The following LHFPL3 variants were observed in gnomAD, a reference collection of about 807,000 sequenced individuals.
LHFPL3 encodes the protein LHFPL tetraspan subfamily member 3, also known as LHFPL tetraspan subfamily member 3 protein.
Under a neutral mutation model 19.3 loss-of-function variants are expected in LHFPL3, and 5 were observed. That is an observed-to-expected ratio of 0.26 (90% CI 0.14 to 0.54). The LOEUF is 0.54. Ranked by LOEUF, LHFPL3 falls within the 20% of genes least tolerant of loss-of-function variation. LHFPL3 has a pLI of 0.94. For missense variants in LHFPL3, 249 were observed against 307.4 expected, an observed-to-expected ratio of 0.81 and a Z score of 1.42; for synonymous variants, 133 against 126.2, an observed-to-expected ratio of 1.05 and a Z score of -0.36.
intron 1 of LHFPL3, among the ~76,000 whole-genome samples, chr7:104,732,728 G>A (rs1371408061): frequency 6.6e-6 from 1 of 152,032 alleles, no homozygotes; most frequent in Non-Finnish European, 1.5e-5. Flanking sequence ...ATCTCCTTCA[G>A]TTCTGCTCTC....
intron 1 of LHFPL3, among the ~76,000 whole-genome samples, chr7:104,723,722 C>CAAAAAAAA (rs1167618176): frequency 1.9e-4 from 9 of 46,932 alleles, no homozygotes; most frequent in African/African-American, 8.8e-4. Context: ...ACTATGTCTC[C>CAAAAAAAA]AAAAAAAAAA....
At chr7:104,504,447 C>A (rs1301460149) in intron 1 of LHFPL3, among the ~76,000 whole-genome samples, 1 of 152,114 alleles carries the variant, frequency 6.6e-6, no homozygotes, top group Middle Eastern at 3.2e-3. Flanking sequence ...TTATGTGTTT[C>A]CCTTATGACA....
intron 2 of LHFPL3, among the ~76,000 whole-genome samples, chr7:104,886,919 G>A (rs1292169587): frequency 6.6e-6 from 1 of 152,180 alleles, no homozygotes; most frequent in Non-Finnish European, 1.5e-5. Context: ...TCCTCCCGGG[G>A]TCCCCGGGGT....
intron 1 of LHFPL3, chr7:104,669,443 A>G: frequency 6.2e-7 from 1 of 1,613,198 alleles, no homozygotes; most frequent in Non-Finnish European, 8.5e-7. Context: ...AAAAAGGATC[A>G]AGACTCCAGA....
At chr7:104,375,086 C>A (rs893287310) in intron 1 of LHFPL3, among the ~76,000 whole-genome samples, 6 of 152,174 alleles carry the variant, frequency 3.9e-5, no homozygotes, top group African/African-American at 1.4e-4. Flanking sequence ...CCCCTGTAAT[C>A]CCAACACTTT....
chr7:104,584,926 C>G (rs1790535778), intron 1 of LHFPL3, among the ~76,000 whole-genome samples: 1 of 152,130 alleles, frequency 6.6e-6, no homozygotes, highest in African/African-American at 2.4e-5. Flanking sequence ...TAGGCAGCAT[C>G]TGGAGTTATG....
intron 1 of LHFPL3, among the ~76,000 whole-genome samples, chr7:104,692,898 A>G (rs370945773): frequency 1.3e-5 from 2 of 152,220 alleles, no homozygotes; most frequent in Non-Finnish European, 2.9e-5. Flanking sequence ...CCAGACCCCA[A>G]AATGGTAGAT....
chr7:104,407,720 A>G (rs1305440936), intron 1 of LHFPL3, among the ~76,000 whole-genome samples: 1 of 152,228 alleles, frequency 6.6e-6, no homozygotes, highest in Non-Finnish European at 1.5e-5. Flanking sequence ...CTTGAAAGAT[A>G]GTTAAAGATC....
rs556593222 is a variant in LHFPL3 at position 104,603,105 on chromosome 7, T to C, written c.446-133570T>C. Among the ~76,000 whole-genome samples, 4 of 140,706 alleles carry C rather than the reference T, an allele frequency of 2.8e-5. No homozygotes were observed. In the South Asian group the frequency reaches 9.6e-4, roughly 34 times the overall value. The allele number at this position is 140,706 out of a possible 152,430, so 92.3% of individuals were successfully genotyped here. A position where few individuals can be genotyped will look rare whatever the true frequency, so the allele number is the denominator to read the frequency against. The stretch of plus-strand genomic sequence containing the variant: ...TTCTTTCTTTCTTTCTTTCTTTCTT[T>C]CTTTCTTTCTTTCTTTCTTTCTTTC... On this transcript the variant is annotated intron_variant, in intron 1 of 2. Coordinates refer to ENST00000424859, the MANE Select transcript of LHFPL3 (RefSeq NM_199000.3).
chr7:104,743,774 C>T (rs931810557), intron 2 of LHFPL3, among the ~76,000 whole-genome samples: 5 of 152,160 alleles, frequency 3.3e-5, no homozygotes, highest in Non-Finnish European at 7.4e-5. Context: ...AAGACTCAAA[C>T]ACAAATCATT....
chr7:104,389,684 A>T (rs1399246840), intron 1 of LHFPL3, among the ~76,000 whole-genome samples: 1 of 152,204 alleles, frequency 6.6e-6, no homozygotes, highest in East Asian at 1.9e-4. Context: ...AAGGAATAGG[A>T]TTGAGAGTCC....
intron 1 of LHFPL3, among the ~76,000 whole-genome samples, chr7:104,653,199 T>G (rs1792062076): frequency 6.6e-6 from 1 of 152,056 alleles, no homozygotes; most frequent in Non-Finnish European, 1.5e-5. Context: ...GTGCTGAGAG[T>G]CTGCAGTCCT....
At chr7:104,725,734 T>C (rs191580758) in intron 1 of LHFPL3, among the ~76,000 whole-genome samples, 2 of 152,262 alleles carry the variant, frequency 1.3e-5, no homozygotes, top group Non-Finnish European at 2.9e-5. Flanking sequence ...GAAAAAATTT[T>C]CAAATCACCA....
chr7:104,835,366 AG>A (rs1340944002), intron 2 of LHFPL3, among the ~76,000 whole-genome samples: 2 of 151,960 alleles, frequency 1.3e-5, no homozygotes, highest in Non-Finnish European at 2.9e-5. Context: ...CTTTGCATCT[AG>A]GCAGGTAATG....
At chr7:104,575,559 T>TAAAAAAAAAAAA (rs58118006) in intron 1 of LHFPL3, among the ~76,000 whole-genome samples, 36 of 36,168 alleles carry the variant, frequency 1.0e-3, no homozygotes, top group East Asian at 2.0e-3. Flanking sequence ...CAAAGAGATC[T>TAAAAAAAAAAAA]AAAAAAAAAA....
intron 1 of LHFPL3, among the ~76,000 whole-genome samples, chr7:104,572,655 A>G (rs1790250911): frequency 6.6e-6 from 1 of 152,218 alleles, no homozygotes; most frequent in Admixed American, 6.5e-5. Flanking sequence ...AAGGTTCTAT[A>G]GTACTCTATT....
intron 2 of LHFPL3, among the ~76,000 whole-genome samples, chr7:104,861,582 G>A (rs1211887244): frequency 6.6e-6 from 1 of 152,172 alleles, no homozygotes; most frequent in East Asian, 1.9e-4. Flanking sequence ...AAGTGTAGCT[G>A]AAGCTGTCTG....
At chr7:104,523,968 G>T (rs973254599) in intron 1 of LHFPL3, among the ~76,000 whole-genome samples, 5 of 152,176 alleles carry the variant, frequency 3.3e-5, no homozygotes, top group African/African-American at 2.4e-5. Flanking sequence ...AGATGATTCT[G>T]ATGCCGTCAA....
At chr7:104,692,591 A>G (rs1298799152) in intron 1 of LHFPL3, among the ~76,000 whole-genome samples, 1 of 152,222 alleles carries the variant, frequency 6.6e-6, no homozygotes, top group African/African-American at 2.4e-5. Context: ...GTGGCTAAAA[A>G]GGGCCAACGT....
Sources: allele counts gnomAD v4.1 joint callset (sites outside exome capture counted in the v4.1 genomes callset), GRCh38; gene constraint gnomAD v4.1.1; transcripts MANE v1.5; gene names NCBI Gene and HGNC (gene_info 2026-07-23, HGNC 2026-07-21).